Variants in RASSF3 observed in about 807,000 individuals in gnomAD.
RASSF3 encodes ras association domain-containing protein 3.
Under a neutral mutation model 19.9 loss-of-function variants are expected in RASSF3, and 19 were observed. The ratio of observed to expected loss-of-function variants is 0.96; its 90% CI spans 0.67 to 1.40. RASSF3 has a LOEUF of 1.40. RASSF3 is among the 40% of genes most tolerant of loss of function. The probability of loss-of-function intolerance (pLI) is 0.00; values close to 1 mark genes in which losing one functional copy is unlikely to be tolerated. For missense variants in RASSF3, 306 were observed against 289.8 expected, an observed-to-expected ratio of 1.06 and a Z score of -0.41; for synonymous variants, 110 against 104.2, an observed-to-expected ratio of 1.06 and a Z score of -0.34.
upstream of RASSF3, among the ~76,000 whole-genome samples, chr12:64,608,815 C>A (rs144686619): frequency 6.6e-6 from 1 of 152,152 alleles, no homozygotes; most frequent in African/African-American, 2.4e-5. Flanking sequence ...GTCATAAAGC[C>A]CTATTCTCCT....
chr12:64,520,555 C>CACACACATATATAT (rs1435123674), intron 1 of RASSF3, among the ~76,000 whole-genome samples: 4 of 86,342 alleles, frequency 4.6e-5, no homozygotes, highest in African/African-American at 1.5e-4. Flanking sequence ...CACATACACA[C>CACACACATATATAT]ATATATATAT....
chr12:64,521,631 A>G (rs1237989408), intron 1 of RASSF3, among the ~76,000 whole-genome samples: 1 of 152,200 alleles, frequency 6.6e-6, no homozygotes, highest in Non-Finnish European at 1.5e-5. Flanking sequence ...ATTGTTGGTA[A>G]TGTTGCCCTT....
chr12:64,600,647 G>A (rs1870076571), intron 2 of RASSF3, among the ~76,000 whole-genome samples: 2 of 152,118 alleles, frequency 1.3e-5, no homozygotes, highest in South Asian at 4.1e-4. Context: ...TTTGTAGCGT[G>A]ACTGAAAGAA....
intron 1 of RASSF3, among the ~76,000 whole-genome samples, chr12:64,650,397 CTTTTTTTTTCCTTTTTT>C (rs1592444415): frequency 9.8e-6 from 1 of 101,984 alleles, no homozygotes; most frequent in East Asian, 2.8e-4. Context: ...GGAGGTGTTT[CTTTTTTTTTCCTTTTTT>C]TTTTTTTTTT....
At chr12:64,668,140 T>C (rs1287533429) in intron 1 of RASSF3, among the ~76,000 whole-genome samples, 1 of 152,086 alleles carries the variant, frequency 6.6e-6, no homozygotes. Context: ...CCTGGGAGGG[T>C]TACCTAAGGT....
intron 1 of RASSF3, among the ~76,000 whole-genome samples, chr12:64,527,292 G>A (rs1206118808): frequency 6.6e-6 from 1 of 152,164 alleles, no homozygotes; most frequent in Non-Finnish European, 1.5e-5. Flanking sequence ...GCAGATGACT[G>A]TAAGAAAGCA....
intron 1 of RASSF3, among the ~76,000 whole-genome samples, chr12:64,525,346 A>G (rs1868562237): frequency 6.6e-6 from 1 of 152,208 alleles, no homozygotes; most frequent in African/African-American, 2.4e-5. Flanking sequence ...TCTGAATTGC[A>G]GATATTTGTG....
intron 1 of RASSF3, among the ~76,000 whole-genome samples, chr12:64,678,664 A>AAAAAAAC (rs958630663): frequency 1.3e-5 from 2 of 151,020 alleles, no homozygotes; most frequent in African/African-American, 4.9e-5. Flanking sequence ...AAAAAAAAAA[A>AAAAAAAC]ACCAAACAAA....
At chr12:64,579,933 G>A (rs1306532320) in intron 2 of RASSF3, among the ~76,000 whole-genome samples, 1 of 151,410 alleles carries the variant, frequency 6.6e-6, no homozygotes, top group Non-Finnish European at 1.5e-5. Context: ...TCCTGCCTCA[G>A]CCTCCCTAGT....
At chr12:64,633,340 GA>G (rs1206346516) in intron 1 of RASSF3, among the ~76,000 whole-genome samples, 1 of 152,162 alleles carries the variant, frequency 6.6e-6, no homozygotes, top group East Asian at 1.9e-4. Context: ...GGAGGTATTG[GA>G]TTATGGGGAT....
chr12:64,646,562 A>G (rs972037621), intron 1 of RASSF3, among the ~76,000 whole-genome samples: 1 of 152,194 alleles, frequency 6.6e-6, no homozygotes, highest in Non-Finnish European at 1.5e-5. Flanking sequence ...ACAACCAAAA[A>G]TAATTTCTGA....
At chr12:64,549,829 CAAT>C (rs1184142346) in intron 2 of RASSF3, among the ~76,000 whole-genome samples, 2 of 152,178 alleles carry the variant, frequency 1.3e-5, no homozygotes, top group African/African-American at 4.8e-5. Flanking sequence ...CAAAGAAAAA[CAAT>C]AAATATCTAA....
At chr12:64,679,627 G>A (rs1173090751) in intron 1 of RASSF3, among the ~76,000 whole-genome samples, 1 of 152,084 alleles carries the variant, frequency 6.6e-6, no homozygotes, top group African/African-American at 2.4e-5. Flanking sequence ...TCCCATCTGA[G>A]AAAGTTCGCT....
chr12:64,564,489 T>C (rs1348684719), intron 2 of RASSF3, among the ~76,000 whole-genome samples: 1 of 152,030 alleles, frequency 6.6e-6, no homozygotes, highest in African/African-American at 2.4e-5. Flanking sequence ...TTCAAGCTAT[T>C]CTCCTGCCTC....
chr12:64,627,365 A>C (rs886796465), intron 1 of RASSF3, among the ~76,000 whole-genome samples: 13 of 152,174 alleles, frequency 8.5e-5, no homozygotes, highest in African/African-American at 3.1e-4. Context: ...TTATGAATTG[A>C]TGATTGTGTT....
chr12:64,656,078 T>G (rs1165984686), intron 1 of RASSF3, among the ~76,000 whole-genome samples: 2 of 151,542 alleles, frequency 1.3e-5, no homozygotes, highest in Non-Finnish European at 2.9e-5. Context: ...CTAACTTGGA[T>G]CTCAGGTTAA....
intron 2 of RASSF3, among the ~76,000 whole-genome samples, chr12:64,596,812 C>T (rs1870005566): frequency 6.6e-6 from 1 of 152,188 alleles, no homozygotes; most frequent in Non-Finnish European, 1.5e-5. Flanking sequence ...TCACCGCAAC[C>T]TCCACCTCCC....
intron 1 of RASSF3, among the ~76,000 whole-genome samples, chr12:64,643,186 A>G (rs957149047): frequency 6.6e-6 from 1 of 152,170 alleles, no homozygotes; most frequent in African/African-American, 2.4e-5. Flanking sequence ...TCTTAATGCA[A>G]TTGTTAATTG....
At chr12:64,601,565 T>G (rs527515156) in intron 2 of RASSF3, among the ~76,000 whole-genome samples, 2 of 152,296 alleles carry the variant, frequency 1.3e-5, no homozygotes, top group Admixed American at 1.3e-4. Flanking sequence ...GCTTGGCCTG[T>G]AACCCCAGCA....
Sources: gnomAD v4.1 joint callset for allele counts (sites outside exome capture counted in the v4.1 genomes callset) on GRCh38, gnomAD v4.1.1 for gene constraint, MANE v1.5 for transcripts, NCBI Gene and HGNC (gene_info 2026-07-23, HGNC 2026-07-21) for gene names.